Variants in STXBP6 observed in about 807,000 individuals in gnomAD.
STXBP6 encodes syntaxin binding protein 6.
A neutral mutation model predicts 26.9 loss-of-function variants in STXBP6; 21 were observed. The ratio of observed to expected loss-of-function variants is 0.78; its 90% CI spans 0.55 to 1.12. The LOEUF is 1.12. Ranked by LOEUF, STXBP6 falls within the 50% of genes most tolerant of loss-of-function variation. The pLI is 0.00. For missense variants in STXBP6, 232 were observed against 257.9 expected, an observed-to-expected ratio of 0.90 and a Z score of 0.69; for synonymous variants, 97 against 92.6, an observed-to-expected ratio of 1.05 and a Z score of -0.27.
At chr14:24,903,613 A>G (rs889693797) in intron 2 of STXBP6, among the ~76,000 whole-genome samples, 4 of 152,234 alleles carry the variant, frequency 2.6e-5, no homozygotes, top group Non-Finnish European at 1.5e-5. Context: ...ACATAGAGAC[A>G]GCCAGAATAT....
intron 2 of STXBP6, among the ~76,000 whole-genome samples, chr14:24,884,877 T>G (rs1020155826): frequency 9.9e-5 from 15 of 152,232 alleles, no homozygotes; most frequent in African/African-American, 3.4e-4. Context: ...GGTTTTTGCC[T>G]TTATGTGTAA....
chr14:24,977,505 T>C (rs1490523761), intron 1 of STXBP6, among the ~76,000 whole-genome samples: 5 of 152,112 alleles, frequency 3.3e-5, no homozygotes, highest in African/African-American at 9.7e-5. Context: ...AGGTTCAAAT[T>C]TTAACTCCAA....
intron 1 of STXBP6, among the ~76,000 whole-genome samples, chr14:25,015,984 T>C (rs1202004527): frequency 6.6e-6 from 1 of 152,212 alleles, no homozygotes; most frequent in African/African-American, 2.4e-5. Context: ...TGACTAGCTG[T>C]GTGACCTTGG....
chr14:24,863,996 G>A (rs965972148), intron 2 of STXBP6, among the ~76,000 whole-genome samples: 1 of 152,196 alleles, frequency 6.6e-6, no homozygotes, highest in African/African-American at 2.4e-5. Context: ...TTGTGACAAC[G>A]GATGGTTTCT....
intron 2 of STXBP6, among the ~76,000 whole-genome samples, chr14:24,926,149 C>T (rs1344346126): frequency 6.6e-6 from 1 of 152,108 alleles, no homozygotes; most frequent in Non-Finnish European, 1.5e-5. Flanking sequence ...TTTCTTACCA[C>T]CTTTCTTTCC....
intron 4 of STXBP6, among the ~76,000 whole-genome samples, chr14:24,828,184 T>C (rs2068345087): frequency 6.6e-6 from 1 of 152,108 alleles, no homozygotes; most frequent in African/African-American, 2.4e-5. Flanking sequence ...AGGCCTAAAA[T>C]ACCTTATTAT....
chr14:24,894,904 T>G (rs183789027), intron 2 of STXBP6, among the ~76,000 whole-genome samples: 20,742 of 130,358 alleles, frequency 0.16, 1,821 homozygotes, highest in South Asian at 0.28. Context: ...TTTTTTTTTT[T>G]AATGCTCAGG....
chr14:24,897,365 G>C (rs1393381012), intron 2 of STXBP6, among the ~76,000 whole-genome samples: 2 of 138,152 alleles, frequency 1.4e-5, no homozygotes, highest in Non-Finnish European at 3.0e-5. Flanking sequence ...AGCCAAGATC[G>C]CGCCACTGCA....
chr14:24,820,869 T>C (rs1361858730), intron 4 of STXBP6, among the ~76,000 whole-genome samples: 1 of 152,204 alleles, frequency 6.6e-6, no homozygotes. Flanking sequence ...CCTTATTCTC[T>C]ACCTTGTTCT....
intron 4 of STXBP6, among the ~76,000 whole-genome samples, chr14:24,825,128 A>C (rs1201533430): frequency 6.6e-6 from 1 of 152,216 alleles, no homozygotes; most frequent in Non-Finnish European, 1.5e-5. Context: ...GGGTGAGAGC[A>C]GGAGAGGTAT....
chr14:24,926,064 T>C (rs1356357788), intron 2 of STXBP6, among the ~76,000 whole-genome samples: 1 of 152,220 alleles, frequency 6.6e-6, no homozygotes. Flanking sequence ...GATTCTGACA[T>C]GTTCCCAAAT....
At chr14:24,899,804 A>AGCC (rs1441054025) in intron 2 of STXBP6, among the ~76,000 whole-genome samples, 1 of 44,816 alleles carries the variant, frequency 2.2e-5, no homozygotes, top group Non-Finnish European at 6.1e-5. Flanking sequence ...AAAAAAGCAA[A>AGCC]AAAAAAAAAA....
intron 1 of STXBP6, among the ~76,000 whole-genome samples, chr14:25,031,970 A>C (rs112670353): frequency 1.2e-3 from 188 of 152,348 alleles, no homozygotes; most frequent in African/African-American, 4.1e-3. Flanking sequence ...AGTATCACTG[A>C]ATTCCAAGAG....
At chr14:24,820,833 T>C (rs561506808) in intron 4 of STXBP6, among the ~76,000 whole-genome samples, 38 of 152,326 alleles carry the variant, frequency 2.5e-4, no homozygotes, top group African/African-American at 8.9e-4. Flanking sequence ...TGGATAGCAC[T>C]TGAGCCTGGT....
intron 1 of STXBP6, among the ~76,000 whole-genome samples, chr14:24,997,482 C>T (rs192288111): frequency 8.6e-4 from 131 of 152,222 alleles, no homozygotes; most frequent in Non-Finnish European, 1.2e-3. Flanking sequence ...CAACTTCTAT[C>T]AGTACCCATG....
chr14:24,965,789 C>G (rs1391167672), intron 2 of STXBP6, among the ~76,000 whole-genome samples: 1 of 152,164 alleles, frequency 6.6e-6, no homozygotes, highest in East Asian at 1.9e-4. Flanking sequence ...CAGGGAGCAA[C>G]AGGTGCCTCT....
At chr14:24,889,899 G>C (rs1307486874) in intron 2 of STXBP6, among the ~76,000 whole-genome samples, 1 of 152,202 alleles carries the variant, frequency 6.6e-6, no homozygotes, top group African/African-American at 2.4e-5. Flanking sequence ...TTGAAGTTGA[G>C]CTTTCAGTAC....
At chr14:24,980,270 T>C (rs1201834188) in intron 1 of STXBP6, among the ~76,000 whole-genome samples, 3 of 152,242 alleles carry the variant, frequency 2.0e-5, no homozygotes, top group Non-Finnish European at 2.9e-5. Context: ...GGAGATAATA[T>C]GAGGCCAATT....
At position 25,036,209 on chromosome 14, in the gene STXBP6, T is replaced by G. The variant is rs549539728; in HGVS notation, c.-33+13669A>C. Among the ~76,000 whole-genome samples the G allele has an allele frequency of 4.6e-4, 38 of 83,016 alleles. No individual in the cohort carries two copies. The East Asian group carries it at 0.014, about 30-fold the overall frequency. 54.5% of individuals were successfully genotyped at this position (83,016 alleles called of 152,430 possible). Reference sequence around the variant, plus strand: ...TCCAGCCTAGGCAACAGAGCAAGACTCCATCAAAAAAAAAAAAAAAAAAAA... The same window carrying G: ...TCCAGCCTAGGCAACAGAGCAAGACGCCATCAAAAAAAAAAAAAAAAAAAA... On this transcript the variant is annotated intron_variant, in intron 1 of 5. Transcript: ENST00000323944.
Sources: gnomAD v4.1 joint callset for allele counts (sites outside exome capture counted in the v4.1 genomes callset) on GRCh38, gnomAD v4.1.1 for gene constraint, MANE v1.5 for transcripts, NCBI Gene and HGNC (gene_info 2026-07-23, HGNC 2026-07-21) for gene names.